Variants in TMEM161B observed in about 807,000 individuals in gnomAD.
TMEM161B encodes transmembrane protein 161B.
Under a neutral mutation model 61.8 loss-of-function variants are expected in TMEM161B, and 34 were observed. The ratio of observed to expected loss-of-function variants is 0.55; its 90% confidence interval spans 0.42 to 0.73. TMEM161B has a LOEUF of 0.73. Among genes scored for constraint, TMEM161B ranks in the 30% least tolerant of loss-of-function variants. The pLI is 0.00. For synonymous variants in TMEM161B, 167 were observed against 192.8 expected, an observed-to-expected ratio of 0.87 and a Z score of 1.11; for missense variants, 456 against 558.5, an observed-to-expected ratio of 0.82 and a Z score of 1.85.
downstream of TMEM161B, among the ~76,000 whole-genome samples, chr5:88,186,548 GTATTT>G (rs1748365803): frequency 6.6e-6 from 1 of 151,788 alleles, no homozygotes; most frequent in East Asian, 1.9e-4. Context: ...CGTTTTGCAA[GTATTT>G]TATTTCAAGT....
chr5:88,231,441 A>G (rs1402000174), intron 2 of TMEM161B, among the ~76,000 whole-genome samples: 1 of 152,212 alleles, frequency 6.6e-6, no homozygotes, highest in Non-Finnish European at 1.5e-5. Flanking sequence ...AGTTGGTTTC[A>G]GATAAGTTGG....
At chr5:88,205,253 G>C (rs1010107762) in intron 8 of TMEM161B, among the ~76,000 whole-genome samples, 1 of 152,006 alleles carries the variant, frequency 6.6e-6, no homozygotes, top group African/African-American at 2.4e-5. Flanking sequence ...AATAGAATTT[G>C]GTAGTTAGAA....
chr5:88,231,869 T>C (rs1317778323), intron 2 of TMEM161B, among the ~76,000 whole-genome samples: 1 of 152,222 alleles, frequency 6.6e-6, no homozygotes, highest in African/African-American at 2.4e-5. Context: ...GCTTCTTTTA[T>C]GTGTGTTTCT....
intron 5 of TMEM161B, among the ~76,000 whole-genome samples, chr5:88,214,886 G>C (rs956445892): frequency 9.2e-5 from 14 of 152,210 alleles, no homozygotes; most frequent in African/African-American, 3.4e-4. Flanking sequence ...AGGTGAAGCA[G>C]AAAGCAGAGC....
chr5:88,236,202 C>T (rs1160068443), intron 2 of TMEM161B, among the ~76,000 whole-genome samples: 1 of 152,034 alleles, frequency 6.6e-6, no homozygotes, highest in East Asian at 1.9e-4. Context: ...ATAAATCTGA[C>T]CATAATATAT....
rs1293899510 is a variant in TMEM161B at position 88,199,025 on chromosome 5, T to C, written c.1040A>G (p.Gln347Arg). Residue 347 changes from glutamine (Q) to arginine (R), a missense_variant, in exon 10 of 12, where the codon CAG becomes CGG. Around this residue, in one of 3 missense-constraint regions of TMEM161B, gnomAD observed 367 missense variants for 427.3 expected, o/e 0.86. Coordinates refer to ENST00000296595, the MANE Select transcript of TMEM161B (RefSeq NM_153354.5). ...TATTCGCCCCGCTTCTTTCTTCATC[T>C]GATCCACACATTTTTGGGCTAAATT... Reference protein sequence around the residue: ...YLNLAQKCVDQMKKEAGRIST... With the variant: ...YLNLAQKCVDRMKKEAGRIST... 1.2e-6 allele frequency: 2 copies of C among 1,613,144 alleles called. No homozygotes were observed. Among genetic ancestry groups the C allele is most frequent in the African/African-American group, 1.3e-5 (1 of 74,928 alleles).
chr5:88,226,972 T>A (rs566829421), intron 3 of TMEM161B, among the ~76,000 whole-genome samples: 36 of 151,920 alleles, frequency 2.4e-4, no homozygotes, highest in South Asian at 1.7e-3. Context: ...TTTTTTTTTT[T>A]AAAAACTAGC....
At chr5:88,216,110 G>C (rs1747780017) in intron 5 of TMEM161B, among the ~76,000 whole-genome samples, 1 of 152,136 alleles carries the variant, frequency 6.6e-6, no homozygotes, top group African/African-American at 2.4e-5. Flanking sequence ...TTAAAAATTA[G>C]CTGGGTGAAA....
rs748406558 is a variant in TMEM161B, at chr5:88,225,819, T to C, written c.239A>G (p.Asp80Gly). 2 of 1,611,600 alleles carry C rather than the reference T, an allele frequency of 1.2e-6. No homozygotes were observed. The highest frequency in any genetic ancestry group is 8.5e-7 in the Non-Finnish European group (1 of 1,178,922). ...IESKPLTIPK[D>G]IDLHLETKSV... ...CTTTGTTTCTAGATGAAGGTCAATA[T>C]CCTTTGGAATGGTTAATGGCTTACT... Residue 80 changes from aspartate (D) to glycine (G), a missense_variant, in exon 4 of 12, where the codon GAT becomes GGT. Physicochemically the swap from Asp to Gly is moderately conservative, Grantham distance 94 (BLOSUM62 -1). This residue lies in a region of TMEM161B where 85 missense variants were observed against 111.2 expected (regional missense o/e 0.76). Coordinates refer to ENST00000296595, the MANE Select transcript of TMEM161B (RefSeq NM_153354.5).
intron 1 of TMEM161B, among the ~76,000 whole-genome samples, chr5:88,257,546 T>C (rs1047203612): frequency 2.0e-5 from 3 of 152,140 alleles, no homozygotes; most frequent in Non-Finnish European, 4.4e-5. Context: ...TTAGAAAAGC[T>C]CTCCCTGGGA....
intron 9 of TMEM161B, chr5:88,202,421 TATAGGAAA>T (rs1489525553): frequency 5.9e-6 from 1 of 169,462 alleles, no homozygotes; most frequent in East Asian, 1.6e-4. Flanking sequence ...GTTATTGTTA[TATAGGAAA>T]ATATCCTTAT....
intron 5 of TMEM161B, among the ~76,000 whole-genome samples, chr5:88,210,627 C>G (rs1170203253): frequency 6.6e-6 from 1 of 152,150 alleles, no homozygotes; most frequent in South Asian, 2.1e-4. Flanking sequence ...AAAGTCTACA[C>G]AGTCAAAGGT....
downstream of TMEM161B, among the ~76,000 whole-genome samples, chr5:88,192,012 A>ATATATATATATATATGTATATATATATG (rs1435849515): frequency 4.3e-5 from 4 of 93,986 alleles, no homozygotes; most frequent in African/African-American, 1.9e-4. Flanking sequence ...ATATATATAT[A>ATATATATATATATATGTATATATATATG]TATATATATA....
At chr5:88,211,643 G>A (rs910244024) in intron 5 of TMEM161B, among the ~76,000 whole-genome samples, 3 of 151,522 alleles carry the variant, frequency 2.0e-5, no homozygotes, top group Admixed American at 1.3e-4. Context: ...GGCGGCGGGC[G>A]CCTGTAATCC....
intron 5 of TMEM161B, among the ~76,000 whole-genome samples, chr5:88,209,190 G>A (rs1247493667): frequency 1.3e-5 from 2 of 150,868 alleles, no homozygotes; most frequent in East Asian, 3.9e-4. Flanking sequence ...TTATAAGGAA[G>A]AGCTTACATA....
At chr5:88,206,918 C>T in intron 6 of TMEM161B, 111 bp downstream of exon 6, 2 of 932,396 alleles carry the variant, frequency 2.1e-6, no homozygotes. Context: ...AGAGTATACA[C>T]TTTAAATTTA....
chr5:88,247,738 A>G (rs2112700694), intron 1 of TMEM161B, among the ~76,000 whole-genome samples: 1 of 152,230 alleles, frequency 6.6e-6, no homozygotes, highest in Admixed American at 6.6e-5. Flanking sequence ...ATGTATAAGG[A>G]AAACAGGGTC....
intron 2 of TMEM161B, among the ~76,000 whole-genome samples, chr5:88,237,129 T>C (rs1751981453): frequency 6.6e-6 from 1 of 152,198 alleles, no homozygotes; most frequent in African/African-American, 2.4e-5. Flanking sequence ...ACTTGTTTTG[T>C]CATTTGTAAA....
chr5:88,193,154 T>C (rs1749134605), downstream of TMEM161B, among the ~76,000 whole-genome samples: 1 of 152,072 alleles, frequency 6.6e-6, no homozygotes, highest in Non-Finnish European at 1.5e-5. Flanking sequence ...ATTATATGCT[T>C]TTCATTTCAG....
Sources: gnomAD v4.1 joint callset for allele counts (sites outside exome capture counted in the v4.1 genomes callset) on GRCh38, gnomAD v4.1.1 for gene constraint, gnomAD v4.1.1 regional missense constraint, MANE v1.5 for transcripts, NCBI Gene and HGNC (gene_info 2026-07-23, HGNC 2026-07-21) for gene names.